Variants in FOSL2 observed in about 807,000 individuals in gnomAD.
The protein encoded by FOSL2 is FOS like 2, AP-1 transcription factor subunit.
A neutral mutation model predicts 27.7 loss-of-function variants in FOSL2; 3 were observed. The observed-to-expected ratio is 0.11, with a 90% confidence interval of 0.05 to 0.28. FOSL2 has a LOEUF of 0.28. FOSL2 is among the 10% of genes least tolerant of loss of function. The pLI is 1.00. For synonymous variants in FOSL2, 179 were observed against 190.1 expected (o/e 0.94, Z 0.48); for missense variants, 333 against 445.1 (o/e 0.75, Z 2.27).
At position 28,408,736 on chromosome 2, in the gene FOSL2, T is replaced by A. The variant is rs376483644; in HGVS notation, c.355-23T>A. The A allele has an allele frequency of 6.4e-7, 1 of 1,554,762 alleles. No homozygotes were observed. The highest frequency in any genetic ancestry group is 8.8e-7 in the Non-Finnish European group (1 of 1,135,412). On this transcript the variant is annotated intron_variant, in intron 2 of 3. Transcript: ENST00000264716. The surrounding 1 kb of genome is among the most constrained non-coding windows in gnomAD (Gnocchi z 4.1). ...TGAACCATTGTCTCTGTTCTAACCA[T>A]GATCCTTGGCTTTGGCCTCTAGCTG...
Position 28,393,502 on chromosome 2 carries a change from C to T in FOSL2, c.-219C>T. ...ACTGGTCCCGCGGCGCTCGCAGAGC[C>T]GGAAAGAAGTGCTGTAAGGGACGCT... On this transcript the variant is annotated 5_prime_UTR_variant, in exon 1 of 4. Coordinates refer to ENST00000264716, the MANE Select transcript of FOSL2 (RefSeq NM_005253.4). This position sits in a 1 kb window ranked among gnomAD's most constrained non-coding sequence, Gnocchi z 4.6. The T allele has an allele frequency of 1.9e-6, 1 of 514,506 alleles. No individual in the cohort carries two copies. Among genetic ancestry groups the T allele is most frequent in the South Asian group, 2.4e-5 (1 of 41,784 alleles). 31.9% of individuals were successfully genotyped at this position (514,506 alleles called of 1,614,324 possible). A position where few individuals can be genotyped will look rare whatever the true frequency, so the allele number is the denominator to read the frequency against.
At position 28,393,801 on chromosome 2, in the gene FOSL2, C is replaced by T; in HGVS notation, c.81C>T (p.Ser27=). ...CTCCTGCGCACGCCGAGTCCTACTC[C>T]AGCGGCGGCGGCGGCCAGCAGGTAG... ...SGSPAHAESY[S]SGGGGQQKFR... The change falls in exon 1 of 4, where the codon TCC becomes TCT. Residue 27 remains serine (S), a synonymous_variant. Transcript: ENST00000264716. The surrounding 1 kb of genome is among the most constrained non-coding windows in gnomAD (Gnocchi z 4.6). 1 of 1,601,744 alleles carries T rather than the reference C, an allele frequency of 6.2e-7. No homozygotes were observed. Among genetic ancestry groups the T allele is most frequent in the Non-Finnish European group, 8.5e-7 (1 of 1,174,996 alleles).
chr2:28,393,378 T>C lies in FOSL2; in HGVS notation c.-343T>C, dbSNP rs1252016608. On this transcript the variant is annotated 5_prime_UTR_variant, in exon 1 of 4. Transcript: ENST00000264716. This position sits in a 1 kb window ranked among gnomAD's most constrained non-coding sequence, Gnocchi z 4.6. ...TTCCAATTTTTGATTGGGCCGTGGGTCCCCGCTGAGCTCCGGCTGCGCGCG... is the reference window on the plus strand; with the variant it reads ...TTCCAATTTTTGATTGGGCCGTGGGCCCCCGCTGAGCTCCGGCTGCGCGCG... 1.4e-5 allele frequency: 4 copies of C among 295,186 alleles called. No homozygotes were observed. Among genetic ancestry groups the C allele is most frequent in the Non-Finnish European group, 2.5e-5 (4 of 159,128 alleles). The allele number at this position is 295,186 out of a possible 1,614,324, so 18.3% of individuals were successfully genotyped here.
At chr2:28,409,865 C>CA (rs1202191496) in intron 3 of FOSL2, among the ~76,000 whole-genome samples, 1 of 152,220 alleles carries the variant, frequency 6.6e-6, no homozygotes, top group Non-Finnish European at 1.5e-5. Context: ...CTCAGCCTCC[C>CA]AACTAGCGGG....
chr2:28,396,568 C>T (rs1027952036), intron 1 of FOSL2, among the ~76,000 whole-genome samples: 1 of 152,002 alleles, frequency 6.6e-6, no homozygotes, highest in Non-Finnish European at 1.5e-5. Flanking sequence ...GAGCATTACG[C>T]AATCCAGCCA....
chr2:28,401,637 C>T (rs1336093557), intron 1 of FOSL2, among the ~76,000 whole-genome samples: 1 of 152,204 alleles, frequency 6.6e-6, no homozygotes, highest in East Asian at 1.9e-4. Context: ...TCAGCCATGC[C>T]TGCTGTTCTC....
rs911936155 is a variant in FOSL2 at position 28,411,911 on chromosome 2, C to A, written c.463-19C>A. 1.8e-5 allele frequency: 29 copies of A among 1,613,964 alleles called. No individual in the cohort carries two copies. Among genetic ancestry groups the A allele is most frequent in the Non-Finnish European group, 2.4e-5 (28 of 1,179,936 alleles). On this transcript the variant is annotated intron_variant, in intron 3 of 3. Coordinates refer to ENST00000264716, the MANE Select transcript of FOSL2 (RefSeq NM_005253.4). The stretch of plus-strand genomic sequence containing the variant: ...CCTGGCAGGTTGCTGTCCCTCACAT[C>A]CCTCTCTTTCCGTGGCAGGAGACAG...
rs1301268687 is a variant in FOSL2, at chr2:28,408,203, C to T, written c.355-556C>T. Among the ~76,000 whole-genome samples, 1 of 152,160 alleles carries T rather than the reference C, an allele frequency of 6.6e-6. No homozygotes were observed. Among genetic ancestry groups the T allele is most frequent in the African/African-American group, 2.4e-5 (1 of 41,442 alleles). On this transcript the variant is annotated intron_variant, in intron 2 of 3. Transcript: ENST00000264716. This position sits in a 1 kb window ranked among gnomAD's most constrained non-coding sequence, Gnocchi z 4.1. Reference sequence around the variant, plus strand: ...TCGGGAGTGGAGTGGCACTCTTGGCCCTCCCATCAGCAACATAACATTCCC... The same window carrying T: ...TCGGGAGTGGAGTGGCACTCTTGGCTCTCCCATCAGCAACATAACATTCCC...
chr2:28,407,211 G>C (rs1664103022), intron 2 of FOSL2, among the ~76,000 whole-genome samples: 1 of 152,206 alleles, frequency 6.6e-6, no homozygotes, highest in African/African-American at 2.4e-5. Context: ...GCCTTAAGGG[G>C]AGCCCTGGTG....
Position 28,411,940 on chromosome 2 carries a change from A to G in FOSL2, c.473A>G (p.Glu158Gly), listed in dbSNP as rs1664209779. ...LTEKLQAETE[E>G]LEEEKSGLQK... ...CTCTTTCCGTGGCAGGAGACAGAGG[A>G]GCTGGAGGAGGAGAAGTCAGGCCTG... Residue 158 changes from glutamate (E) to glycine (G), a missense_variant, in exon 4 of 4, where the codon GAG becomes GGG. Physicochemically the swap from Glu to Gly is moderately conservative, Grantham distance 98 (BLOSUM62 -2). Around this residue, in one of 4 missense-constraint regions of FOSL2, gnomAD observed 40 missense variants for 104.2 expected, o/e 0.38. Transcript: ENST00000264716. 6.2e-7 allele frequency: 1 copy of G among 1,614,134 alleles called. No individual in the cohort carries two copies. The highest frequency in any genetic ancestry group is 1.7e-5 in the Admixed American group (1 of 60,028).
chr2:28,416,927 A>G lies in FOSL2; in HGVS notation c.*4479A>G, dbSNP rs1421652949. 6.7e-6 allele frequency: 1 copy of G among 148,896 alleles called. No homozygotes were observed. The highest frequency in any genetic ancestry group is 1.5e-5 in the Non-Finnish European group (1 of 67,288). 9.2% of individuals were successfully genotyped at this position (148,896 alleles called of 1,614,324 possible). ...ATATGGTTCATATGGCTCTATGGGGAATTTAATTACCTTTCTGGGCACTTT... is the reference window on the plus strand; with the variant it reads ...ATATGGTTCATATGGCTCTATGGGGGATTTAATTACCTTTCTGGGCACTTT... On this transcript the variant is annotated 3_prime_UTR_variant, in exon 4 of 4. Transcript: ENST00000264716.
Position 28,414,902 on chromosome 2 carries a change from G to A in FOSL2, c.*2454G>A, listed in dbSNP as rs1328955020. On this transcript the variant is annotated 3_prime_UTR_variant, in exon 4 of 4. Transcript: ENST00000264716. ...AGACCCCCAGGCTTTGTCATAGGAG[G>A]TCGTTCAGCTTCCCCAAAGTCAGAG... 1 of 152,218 alleles carries A rather than the reference G, an allele frequency of 6.6e-6. No individual in the cohort carries two copies. The highest frequency in any genetic ancestry group is 1.5e-5 in the Non-Finnish European group (1 of 68,050). The allele number at this position is 152,218 out of a possible 1,614,324, so 9.4% of individuals were successfully genotyped here.
At position 28,414,157 on chromosome 2, in the gene FOSL2, C is replaced by G. The variant is rs747054048; in HGVS notation, c.*1709C>G. 12 of 267,890 alleles carry G rather than the reference C, an allele frequency of 4.5e-5. No homozygotes were observed. The highest frequency in any genetic ancestry group is 3.8e-4 in the Admixed American group (7 of 18,608). 16.6% of individuals were successfully genotyped at this position (267,890 alleles called of 1,614,324 possible). A position where few individuals can be genotyped will look rare whatever the true frequency, so the allele number is the denominator to read the frequency against. On this transcript the variant is annotated 3_prime_UTR_variant, in exon 4 of 4. Coordinates refer to ENST00000264716, the MANE Select transcript of FOSL2 (RefSeq NM_005253.4). ...ATTCAGCTCTAGAGGTCACAGTATC[C>G]TCGTTTGAAAGATAATTAAGATCCC... is the stretch of plus-strand genomic sequence containing the variant.
At chr2:28,407,232 T>C (rs1462968326) in intron 2 of FOSL2, among the ~76,000 whole-genome samples, 1 of 152,122 alleles carries the variant, frequency 6.6e-6, no homozygotes, top group African/African-American at 2.4e-5. Flanking sequence ...GCCCTTTCAG[T>C]GGTGAGCCCT....
chr2:28,411,047 C>A (rs1290732198), intron 3 of FOSL2, among the ~76,000 whole-genome samples: 1 of 151,504 alleles, frequency 6.6e-6, no homozygotes, highest in African/African-American at 2.4e-5. Context: ...ACTCGGGAGG[C>A]TGAGACTGGA....
intron 1 of FOSL2, chr2:28,397,129 CT>C (rs1558564810): frequency 6.6e-6 from 1 of 152,102 alleles, no homozygotes; most frequent in East Asian, 1.9e-4. Context: ...CTTTGAGTTT[CT>C]TTTTTGTTTT....
rs1664257444 is a variant in FOSL2, at chr2:28,413,789, G to A, written c.*1341G>A. On this transcript the variant is annotated 3_prime_UTR_variant, in exon 4 of 4. Coordinates refer to ENST00000264716, the MANE Select transcript of FOSL2 (RefSeq NM_005253.4). The stretch of plus-strand genomic sequence containing the variant: ...TTCTGGCCCAGGCAGCAAGCAAGCT[G>A]TGAACAGCTGGCCTGAGCTGTCGCT... 1 of 398,900 alleles carries A rather than the reference G, an allele frequency of 2.5e-6. No homozygotes were observed. 24.7% of individuals were successfully genotyped at this position (398,900 alleles called of 1,614,324 possible).
At position 28,392,880 on chromosome 2, in the gene FOSL2, G is replaced by A. The variant is rs1012722875; in HGVS notation, c.-841G>A. The A allele has an allele frequency of 1.3e-5, 9 of 715,318 alleles. No homozygotes were observed. Among genetic ancestry groups the A allele is most frequent in the African/African-American group, 1.1e-4 (6 of 57,106 alleles). The allele number at this position is 715,318 out of a possible 1,614,324, so 44.3% of individuals were successfully genotyped here. A position where few individuals can be genotyped will look rare whatever the true frequency, so the allele number is the denominator to read the frequency against. Reference sequence around the variant, plus strand: ...ATTGTAGTGACTCATCTCGGGCAGAGCGCTAGGGCTCCGAGCGAACCAGCG... The same window carrying A: ...ATTGTAGTGACTCATCTCGGGCAGAACGCTAGGGCTCCGAGCGAACCAGCG... On this transcript the variant is annotated 5_prime_UTR_variant, in exon 1 of 4. Transcript: ENST00000264716.
chr2:28,407,037 CA>C (rs1293052927), intron 2 of FOSL2, among the ~76,000 whole-genome samples: 2 of 152,238 alleles, frequency 1.3e-5, no homozygotes, highest in Non-Finnish European at 2.9e-5. Context: ...ACAGCTCCCA[CA>C]AGTTGCCCCA....
Sources: gnomAD v4.1 joint callset for allele counts (sites outside exome capture counted in the v4.1 genomes callset) on GRCh38, gnomAD v4.1.1 for gene constraint, gnomAD v4.1.1 regional missense constraint, Gnocchi (gnomAD v3.1) non-coding constraint, MANE v1.5 for transcripts, NCBI Gene and HGNC (gene_info 2026-07-23, HGNC 2026-07-21) for gene names.